KIAA0753: variants seen among roughly 807,000 people sequenced by gnomAD.
KIAA0753 encodes the protein KIAA0753.
Under a neutral mutation model 116.9 loss-of-function variants are expected in KIAA0753, and 114 were observed. The ratio of observed to expected loss-of-function variants is 0.98; its 90% CI spans 0.84 to 1.14. The LOEUF (loss-of-function observed/expected upper bound fraction) is 1.14, where lower values mean the gene tolerates loss of function less well. KIAA0753 is among the 50% of genes most tolerant of loss of function. KIAA0753 has a pLI of 0.00. For synonymous variants in KIAA0753, 405 were observed against 413.1 expected, an observed-to-expected ratio of 0.98 and a Z score of 0.24; for missense variants, 1,156 against 1,172.4, an observed-to-expected ratio of 0.99 and a Z score of 0.20.
intron 15 of KIAA0753, 87 bp downstream of exon 15, chr17:6,596,071 G>A (rs1969454779): frequency 2.3e-6 from 3 of 1,297,408 alleles, no homozygotes; most frequent in Non-Finnish European, 3.2e-6. Flanking sequence ...GACTCTAACA[G>A]ATGAGGCTGC....
At chr17:6,606,134 G>A (rs1327982203) in intron 12 of KIAA0753, among the ~76,000 whole-genome samples, 1 of 152,122 alleles carries the variant, frequency 6.6e-6, no homozygotes, top group Non-Finnish European at 1.5e-5. Flanking sequence ...AGCCTCAGTT[G>A]GGGGGAAAAG....
At chr17:6,619,207 C>A (rs1156402449) in intron 7 of KIAA0753, among the ~76,000 whole-genome samples, 1 of 150,768 alleles carries the variant, frequency 6.6e-6, no homozygotes, top group Admixed American at 6.6e-5. Flanking sequence ...CCAGCCTGGA[C>A]AACGGAGCGA....
At position 6,578,323 on chromosome 17, in the gene KIAA0753, C is replaced by T. The variant is rs1000022662; in HGVS notation, c.*1424G>A. ...AGATGTAAGTTATTTAAAATAGGCA[C>T]ATACTTTAAAATATTGGGTTTATTT... On this transcript the variant is annotated 3_prime_UTR_variant, in exon 19 of 19. Coordinates refer to ENST00000361413, the MANE Select transcript of KIAA0753 (RefSeq NM_014804.3). 3.9e-5 allele frequency: 6 copies of T among 152,086 alleles called. No homozygotes were observed. Among genetic ancestry groups the T allele is most frequent in the African/African-American group, 9.7e-5 (4 of 41,406 alleles). The allele number at this position is 152,086 out of a possible 1,614,324, so 9.4% of individuals were successfully genotyped here.
At chr17:6,594,822 A>C in intron 16 of KIAA0753, 150 bp downstream of exon 16, 1 of 647,982 alleles carries the variant, frequency 1.5e-6, no homozygotes, top group Non-Finnish European at 2.7e-6. Flanking sequence ...TAGAGGGATA[A>C]ATAGGTGACA....
chr17:6,583,843 G>A (rs1182407707), intron 18 of KIAA0753, among the ~76,000 whole-genome samples: 2 of 152,062 alleles, frequency 1.3e-5, no homozygotes, highest in African/African-American at 4.8e-5. Flanking sequence ...GTATTGTCTT[G>A]TCCCTCTGTT....
chr17:6,586,302 C>T (rs1186316093), intron 18 of KIAA0753, among the ~76,000 whole-genome samples: 1 of 152,174 alleles, frequency 6.6e-6, no homozygotes, highest in Non-Finnish European at 1.5e-5. Flanking sequence ...TTATAAATTA[C>T]CCAGTCTCAG....
chr17:6,608,626 C>T (rs944916112), intron 9 of KIAA0753, among the ~76,000 whole-genome samples, 162 bp from the exon 10 acceptor site: 1 of 152,184 alleles, frequency 6.6e-6, no homozygotes, highest in Non-Finnish European at 1.5e-5. Context: ...GTGAGATCCT[C>T]CCGCACTCAG....
chr17:6,631,973 C>T (rs1379996761), intron 2 of KIAA0753, among the ~76,000 whole-genome samples: 3 of 152,032 alleles, frequency 2.0e-5, no homozygotes, highest in African/African-American at 7.3e-5. Context: ...ACCTCCGCCT[C>T]CTGGGTTCAA....
At chr17:6,613,285 G>A (rs776199921) in intron 7 of KIAA0753, among the ~76,000 whole-genome samples, 5 of 152,072 alleles carry the variant, frequency 3.3e-5, no homozygotes, top group Non-Finnish European at 2.9e-5. Context: ...GGACACGAAA[G>A]AAAATCTAAA....
chr17:6,590,660 A>C (rs1968926577), intron 16 of KIAA0753, 30 bp from the exon 17 acceptor site: 1 of 1,611,762 alleles, frequency 6.2e-7, no homozygotes, highest in Admixed American at 1.7e-5. Flanking sequence ...AAATGACTGC[A>C]TATAAAGAAC....
Position 6,579,844 on chromosome 17 carries a change from T to C in KIAA0753, c.2807A>G (p.Asp936Gly). 1.2e-6 allele frequency: 2 copies of C among 1,613,474 alleles called. No homozygotes were observed. Among genetic ancestry groups the C allele is most frequent in the South Asian group, 1.1e-5 (1 of 91,088 alleles). The change falls in exon 19 of 19, where the codon GAT becomes GGT. Residue 936 changes from aspartate to glycine, a missense_variant. Transcript: ENST00000361413. The stretch of plus-strand genomic sequence containing the variant: ...AGCAGCCACAGCACCCAGAGCTTCA[T>C]CTACCAGCTCTTCTGAAAAGCTGGA... ...IAESFSEELV[D>G]EALGAVAAEL...
chr17:6,581,348 A>G (rs1404950083), intron 18 of KIAA0753, among the ~76,000 whole-genome samples: 1 of 152,116 alleles, frequency 6.6e-6, no homozygotes, highest in Non-Finnish European at 1.5e-5. Flanking sequence ...TACGGTTTTG[A>G]AAGAGATGCC....
At chr17:6,600,529 A>C (rs1441328624) in intron 12 of KIAA0753, 71 bp from the exon 13 acceptor site, 3 of 1,172,210 alleles carry the variant, frequency 2.6e-6, no homozygotes, top group Non-Finnish European at 2.5e-6. Flanking sequence ...TTTATTTGCC[A>C]CTCCAGGAGA....
chr17:6,619,650 C>A (rs2150873856), intron 7 of KIAA0753, among the ~76,000 whole-genome samples: 1 of 152,248 alleles, frequency 6.6e-6, no homozygotes, highest in South Asian at 2.1e-4. Flanking sequence ...TGGTCCCAAA[C>A]CCCTGGGCTC....
chr17:6,638,054 C>T (rs991159279), intron 1 of KIAA0753: 5 of 152,618 alleles, frequency 3.3e-5, no homozygotes, highest in African/African-American at 1.2e-4. Context: ...CCCTCAGGCA[C>T]CACAGGAACC....
Position 6,606,854 on chromosome 17 carries a change from C to T in KIAA0753, c.2009+19G>A, listed in dbSNP as rs1337937859. 1.2e-6 allele frequency: 2 copies of T among 1,605,630 alleles called. No individual in the cohort carries two copies. The highest frequency in any genetic ancestry group is 2.7e-5 in the African/African-American group (2 of 74,766). The stretch of plus-strand genomic sequence containing the variant: ...AACAGGCAAACATCCACTATTCTTC[C>T]TAAGAAGCAAACACATACCTCAATT... On this transcript the variant is annotated intron_variant, in intron 12 of 18. Coordinates refer to ENST00000361413, the MANE Select transcript of KIAA0753 (RefSeq NM_014804.3).
At position 6,609,976 on chromosome 17, in the gene KIAA0753, C is replaced by T. The variant is rs766182009; in HGVS notation, c.1712+18G>A. On this transcript the variant is annotated intron_variant, in intron 9 of 18. Coordinates refer to ENST00000361413, the MANE Select transcript of KIAA0753 (RefSeq NM_014804.3). ...AAGAGCATCACATACACAAACGGTC[C>T]CTTGAGTTTTCACATACCATTTAGG... 58 of 1,612,902 alleles carry T rather than the reference C, an allele frequency of 3.6e-5. No individual in the cohort carries two copies. The highest frequency in any genetic ancestry group is 4.7e-5 in the Non-Finnish European group (56 of 1,179,300).
At position 6,620,909 on chromosome 17, in the gene KIAA0753, G is replaced by C. The variant is rs1971274387; in HGVS notation, c.1194C>G (p.Ser398Arg). 1 of 1,613,980 alleles carries C rather than the reference G, an allele frequency of 6.2e-7. No individual in the cohort carries two copies. Among genetic ancestry groups the C allele is most frequent in the Admixed American group, 1.7e-5 (1 of 59,994 alleles). Residue 398 changes from serine (S) to arginine (R), a missense_variant, in exon 7 of 19, where the codon AGC (serine) becomes AGG (arginine). Transcript: ENST00000361413. ...TTGGCCATCTCTCCAAGGCCTTTTGGCTACCGATAGGAAATCTGCTCCGAA... is the reference window on the plus strand; with the variant it reads ...TTGGCCATCTCTCCAAGGCCTTTTGCCTACCGATAGGAAATCTGCTCCGAA... ...SEIRSRFPIG[S>R]QKALERWPST...
rs1205918813 is a variant in KIAA0753, at chr17:6,578,455, C to A, written c.*1292G>T. 1 of 152,104 alleles carries A rather than the reference C, an allele frequency of 6.6e-6. No individual in the cohort carries two copies. The highest frequency in any genetic ancestry group is 1.5e-5 in the Non-Finnish European group (1 of 68,018). 9.4% of individuals were successfully genotyped at this position (152,104 alleles called of 1,614,324 possible). On this transcript the variant is annotated 3_prime_UTR_variant, in exon 19 of 19. Transcript: ENST00000361413. ...ACATTTAACTCCCCAGGTTAAACAC[C>A]CTGTAATTTACCTTGAAGCTCTTTA...
Sources: gnomAD v4.1 joint callset for allele counts (sites outside exome capture counted in the v4.1 genomes callset) on GRCh38, gnomAD v4.1.1 for gene constraint, MANE v1.5 for transcripts, NCBI Gene and HGNC (gene_info 2026-07-23, HGNC 2026-07-21) for gene names.